The following RIN2 variants were observed in gnomAD, a reference collection of about 807,000 sequenced individuals.
The protein encoded by RIN2 is Ras and Rab interactor 2, also known as RAB5 interacting protein 2.
A neutral mutation model predicts 78.0 loss-of-function variants in RIN2; 36 were observed. That is an observed-to-expected ratio of 0.46 (90% CI 0.35 to 0.61). RIN2 has a LOEUF of 0.61. Ranked by LOEUF, RIN2 falls within the 20% of genes least tolerant of loss-of-function variation. The probability of loss-of-function intolerance (pLI) is 0.00; values close to 1 mark genes in which losing one functional copy is unlikely to be tolerated. For missense variants in RIN2, 1,087 were observed against 1,159.7 expected, an observed-to-expected ratio of 0.94 and a Z score of 0.91; for synonymous variants, 466 against 466.8, an observed-to-expected ratio of 1.00 and a Z score of 0.02.
chr20:19,790,328 A>T (rs2122613608), intron 1 of RIN2, among the ~76,000 whole-genome samples: 1 of 152,214 alleles, frequency 6.6e-6, no homozygotes. Context: ...AGATAACTTG[A>T]TCTCTAGCCT....
chr20:19,840,401 A>T (rs2036544969), intron 2 of RIN2, among the ~76,000 whole-genome samples: 1 of 152,204 alleles, frequency 6.6e-6, no homozygotes, highest in African/African-American at 2.4e-5. Context: ...CACCAGCGTG[A>T]CCGTGAGCAG....
At chr20:19,858,277 C>T (rs1205526789) in intron 2 of RIN2, among the ~76,000 whole-genome samples, 1 of 152,118 alleles carries the variant, frequency 6.6e-6, no homozygotes, top group Non-Finnish European at 1.5e-5. Flanking sequence ...TCAGGTCAGG[C>T]TACATCTGAG....
At chr20:19,843,855 A>C (rs1258229968) in intron 2 of RIN2, among the ~76,000 whole-genome samples, 1 of 152,206 alleles carries the variant, frequency 6.6e-6, no homozygotes, top group African/African-American at 2.4e-5. Flanking sequence ...GAAAAAAAAT[A>C]ACCTTTAGTC....
At chr20:19,967,560 A>G (rs923294756) in intron 7 of RIN2, among the ~76,000 whole-genome samples, 1 of 152,260 alleles carries the variant, frequency 6.6e-6, no homozygotes, top group African/African-American at 2.4e-5. Context: ...CAATAAACAT[A>G]GGATTTGCCA....
chr20:19,778,169 C>G (rs1362048431), intron 1 of RIN2, among the ~76,000 whole-genome samples: 1 of 152,196 alleles, frequency 6.6e-6, no homozygotes, highest in East Asian at 1.9e-4. Context: ...GCATAGGGCT[C>G]CCTGCCAGGT....
chr20:19,768,471 C>T (rs553579525), intron 1 of RIN2, among the ~76,000 whole-genome samples: 5 of 152,314 alleles, frequency 3.3e-5, no homozygotes, highest in Admixed American at 1.3e-4. Flanking sequence ...TCTCTGCATG[C>T]GGGCAAAGCG....
intron 2 of RIN2, among the ~76,000 whole-genome samples, chr20:19,818,726 C>T (rs968056719): frequency 2.3e-5 from 3 of 127,908 alleles, no homozygotes; most frequent in South Asian, 2.6e-4. Context: ...AGCGAGACTC[C>T]GTATCAAAAA....
chr20:19,769,528 C>T (rs571878123), intron 1 of RIN2, among the ~76,000 whole-genome samples: 48 of 152,340 alleles, frequency 3.2e-4, no homozygotes, highest in African/African-American at 1.1e-3. Flanking sequence ...GTAGGTTGCA[C>T]AAGCCCTGCC....
At chr20:19,833,504 T>C (rs536548949) in intron 2 of RIN2, among the ~76,000 whole-genome samples, 1 of 152,208 alleles carries the variant, frequency 6.6e-6, no homozygotes, top group African/African-American at 2.4e-5. Flanking sequence ...TAAGTACAAA[T>C]GTCCCTTGGT....
intron 2 of RIN2, among the ~76,000 whole-genome samples, chr20:19,878,012 T>C (rs1465581627): frequency 6.6e-6 from 1 of 151,968 alleles, no homozygotes; most frequent in Non-Finnish European, 1.5e-5. Context: ...AGAGTAAGAG[T>C]GTCTCAAAAA....
At chr20:19,838,383 C>G (rs1392302223) in intron 2 of RIN2, among the ~76,000 whole-genome samples, 1 of 152,196 alleles carries the variant, frequency 6.6e-6, no homozygotes, top group East Asian at 1.9e-4. Context: ...GATCTACGTA[C>G]TATAAGGTTC....
intron 3 of RIN2, among the ~76,000 whole-genome samples, chr20:19,908,717 TACTC>T (rs944921644): frequency 2.0e-5 from 3 of 152,182 alleles, no homozygotes; most frequent in Non-Finnish European, 4.4e-5. Context: ...AGTCAGAAAT[TACTC>T]ACAGGCAGCA....
intron 9 of RIN2, among the ~76,000 whole-genome samples, chr20:19,981,091 C>T (rs972125363): frequency 6.6e-6 from 1 of 152,166 alleles, no homozygotes; most frequent in Non-Finnish European, 1.5e-5. Flanking sequence ...TTTAATCCTC[C>T]GAATGCCTTG....
intron 1 of RIN2, among the ~76,000 whole-genome samples, chr20:19,793,427 T>C (rs981495286): frequency 6.6e-6 from 1 of 152,178 alleles, no homozygotes; most frequent in Non-Finnish European, 1.5e-5. Flanking sequence ...TAGCATGGTT[T>C]TCCTTGAATG....
intron 2 of RIN2, among the ~76,000 whole-genome samples, chr20:19,859,889 G>C (rs901746072): frequency 6.6e-6 from 1 of 152,206 alleles, no homozygotes; most frequent in Non-Finnish European, 1.5e-5. Flanking sequence ...TTATTTGGGA[G>C]ATGATCCCCA....
At chr20:19,890,679 C>CAAAAAAAAAAAAAAAAAAAAAAAA (rs534202183) in intron 3 of RIN2, among the ~76,000 whole-genome samples, 1 of 64,446 alleles carries the variant, frequency 1.6e-5, no homozygotes, top group South Asian at 8.8e-4. Context: ...GTTGACTCTA[C>CAAAAAAAAAAAAAAAAAAAAAAAA]AAAAAAAAAA....
intron 2 of RIN2, among the ~76,000 whole-genome samples, chr20:19,868,320 G>A (rs939914668): frequency 5.3e-5 from 8 of 152,234 alleles, no homozygotes; most frequent in East Asian, 3.8e-4. Flanking sequence ...GCCTGGCTAC[G>A]TTATGAGTTT....
chr20:19,788,602 GAA>G (rs34183798), intron 1 of RIN2, among the ~76,000 whole-genome samples: 3,682 of 121,826 alleles, frequency 0.03, 76 homozygotes, highest in African/African-American at 0.069. Flanking sequence ...ACTTTGTCTC[GAA>G]AAAAAAAAAA....
chr20:19,769,112 G>C (rs2034014629), intron 1 of RIN2, among the ~76,000 whole-genome samples: 1 of 151,998 alleles, frequency 6.6e-6, no homozygotes, highest in South Asian at 2.1e-4. Flanking sequence ...AGTAGAGATG[G>C]GCTTTCACCA....
Sources: allele counts gnomAD v4.1 joint callset (sites outside exome capture counted in the v4.1 genomes callset), GRCh38; gene constraint gnomAD v4.1.1; transcripts MANE v1.5; gene names NCBI Gene and HGNC (gene_info 2026-07-23, HGNC 2026-07-21).